Variants in GFRAL observed in about 807,000 individuals in gnomAD.
GFRAL encodes the protein GDNF family receptor alpha-like.
GFRAL carries 36 observed loss-of-function variants against 45.4 expected under a neutral mutation model. The observed-to-expected ratio is 0.79, with a 90% CI of 0.61 to 1.05. The LOEUF is 1.05. Among genes scored for constraint, GFRAL ranks in the 50% least tolerant of loss-of-function variants. The pLI is 0.00. For synonymous variants in GFRAL, 166 were observed against 154.1 expected, an observed-to-expected ratio of 1.08 and a Z score of -0.57; for missense variants, 507 against 467.5, an observed-to-expected ratio of 1.08 and a Z score of -0.78.
At chr6:55,385,318 G>C (rs534814856) in intron 6 of GFRAL, among the ~76,000 whole-genome samples, 1 of 152,114 alleles carries the variant, frequency 6.6e-6, no homozygotes, top group East Asian at 1.9e-4. Flanking sequence ...TAAAAATGGA[G>C]ATTTAATAAA....
chr6:55,340,538 G>T (rs562255702), intron 3 of GFRAL, among the ~76,000 whole-genome samples: 2 of 152,004 alleles, frequency 1.3e-5, no homozygotes, highest in African/African-American at 4.8e-5. Context: ...AAAAGTGGTT[G>T]GCAGCAGTTC....
intron 6 of GFRAL, among the ~76,000 whole-genome samples, chr6:55,378,043 TC>T (rs1392814517): frequency 6.6e-6 from 1 of 152,044 alleles, no homozygotes; most frequent in African/African-American, 2.4e-5. Context: ...GACCTTTGGA[TC>T]CTGTCCCTCA....
At chr6:55,394,845 A>G (rs976892888) in intron 6 of GFRAL, among the ~76,000 whole-genome samples, 1 of 152,100 alleles carries the variant, frequency 6.6e-6, no homozygotes, top group Non-Finnish European at 1.5e-5. Context: ...AAAAATCTCC[A>G]CTGTCTATTA....
chr6:55,391,281 C>A (rs1768750627), intron 6 of GFRAL, among the ~76,000 whole-genome samples: 1 of 152,092 alleles, frequency 6.6e-6, no homozygotes, highest in Admixed American at 6.6e-5. Flanking sequence ...TAGGAATAAT[C>A]TTTGATTTAA....
At chr6:55,364,254 T>C (rs1768322722) in intron 6 of GFRAL, among the ~76,000 whole-genome samples, 1 of 151,638 alleles carries the variant, frequency 6.6e-6, no homozygotes, top group East Asian at 1.9e-4. Context: ...AAGTGTCTGT[T>C]CATGTCCTTC....
At chr6:55,342,652 A>G (rs1416977967) in intron 3 of GFRAL, among the ~76,000 whole-genome samples, 1 of 152,020 alleles carries the variant, frequency 6.6e-6, no homozygotes, top group Non-Finnish European at 1.5e-5. Context: ...CATCATAATG[A>G]CAGGATCAAA....
chr6:55,367,099 G>T (rs1212507328), intron 6 of GFRAL, among the ~76,000 whole-genome samples: 1 of 89,692 alleles, frequency 1.1e-5, no homozygotes, highest in South Asian at 4.2e-4. Context: ...GGTCACTCAG[G>T]ACTTGCTTTA....
intron 3 of GFRAL, among the ~76,000 whole-genome samples, chr6:55,336,588 T>C (rs761622781): frequency 6.6e-5 from 10 of 152,252 alleles, no homozygotes; most frequent in African/African-American, 9.6e-5. Context: ...ATATGGACTT[T>C]ATAGCCTATG....
chr6:55,365,703 G>C (rs1768352123), intron 6 of GFRAL, among the ~76,000 whole-genome samples: 2 of 147,738 alleles, frequency 1.4e-5, no homozygotes, highest in Admixed American at 6.8e-5. Flanking sequence ...ATAATCATGT[G>C]GTTTTTGCCT....
intron 6 of GFRAL, among the ~76,000 whole-genome samples, chr6:55,391,353 A>G (rs929909549): frequency 3.9e-5 from 6 of 152,194 alleles, no homozygotes; most frequent in African/African-American, 1.4e-4. Flanking sequence ...TAATGATACA[A>G]TTTTTTGAGC....
intron 6 of GFRAL, among the ~76,000 whole-genome samples, chr6:55,372,247 G>T (rs147656247): frequency 3.5e-4 from 53 of 152,240 alleles, no homozygotes; most frequent in Non-Finnish European, 6.3e-4. Flanking sequence ...CTCAGCTGTA[G>T]ATTCTCTACT....
chr6:55,366,443 A>C (rs1768365092), intron 6 of GFRAL, among the ~76,000 whole-genome samples: 1 of 143,048 alleles, frequency 7.0e-6, no homozygotes, highest in Non-Finnish European at 1.5e-5. Flanking sequence ...TATTTCCTTC[A>C]GTTCTGCTCT....
At chr6:55,358,342 T>A (rs1215399488) in intron 5 of GFRAL, among the ~76,000 whole-genome samples, 4 of 151,900 alleles carry the variant, frequency 2.6e-5, no homozygotes, top group African/African-American at 9.7e-5. Flanking sequence ...TTATCCAGAC[T>A]TTTTTTCAAT....
rs552128690 is a variant in GFRAL at position 55,336,174 on chromosome 6, G to C, written c.316+2230G>C. 1.7e-4 allele frequency among the ~76,000 whole-genome samples: 26 copies of C among 152,250 alleles called. No individual in the cohort carries two copies. In the South Asian group the frequency reaches 5.4e-3, roughly 32 times the overall value. ...GGCCAGGCTGGTCTGCAGCTCCTGG[G>C]CTGAATTGATCTGCCTGCCTCAGCT... On this transcript the variant is annotated intron_variant, in intron 3 of 8. Transcript: ENST00000340465.
intron 2 of GFRAL, 87 bp downstream of exon 2, chr6:55,331,936 C>A: frequency 7.8e-7 from 1 of 1,284,674 alleles, no homozygotes; most frequent in Non-Finnish European, 1.1e-6. Flanking sequence ...ATCCTAAGAA[C>A]TAAGTTTTTT....
intron 6 of GFRAL, among the ~76,000 whole-genome samples, chr6:55,393,918 A>G (rs1405854538): frequency 6.6e-6 from 1 of 152,168 alleles, no homozygotes; most frequent in African/African-American, 2.4e-5. Flanking sequence ...TGAAAACAGG[A>G]AAAAAGTTGA....
chr6:55,372,237 C>T (rs896516495), intron 6 of GFRAL, among the ~76,000 whole-genome samples: 3 of 152,154 alleles, frequency 2.0e-5, no homozygotes, highest in African/African-American at 7.2e-5. Context: ...TGTTTCAAGA[C>T]TCAGCTGTAG....
Position 55,402,007 on chromosome 6 carries a change from G to T in GFRAL, c.*154G>T, listed in dbSNP as rs907425182. On this transcript the variant is annotated 3_prime_UTR_variant, in exon 9 of 9. Transcript: ENST00000340465. Reference sequence around the variant, plus strand: ...CTTTTCTTTTTTGTGGCGGAGTTTTGCTCTTGTTGCCCAGGCTGCAGTACA... The same window carrying T: ...CTTTTCTTTTTTGTGGCGGAGTTTTTCTCTTGTTGCCCAGGCTGCAGTACA... 23 of 542,238 alleles carry T rather than the reference G, an allele frequency of 4.2e-5. No homozygotes were observed. Among genetic ancestry groups the T allele is most frequent in the Non-Finnish European group, 7.0e-5 (22 of 314,074 alleles). The allele number at this position is 542,238 out of a possible 1,614,324, so 33.6% of individuals were successfully genotyped here. A position where few individuals can be genotyped will look rare whatever the true frequency, so the allele number is the denominator to read the frequency against.
chr6:55,379,590 CACACACAA>C (rs1303916940), intron 6 of GFRAL, among the ~76,000 whole-genome samples: 3 of 118,262 alleles, frequency 2.5e-5, no homozygotes, highest in Non-Finnish European at 3.9e-5. Flanking sequence ...CACACACACA[CACACACAA>C]ACTGTGGAAT....
Sources: allele counts gnomAD v4.1 joint callset (sites outside exome capture counted in the v4.1 genomes callset), GRCh38; gene constraint gnomAD v4.1.1; transcripts MANE v1.5; gene names NCBI Gene and HGNC (gene_info 2026-07-23, HGNC 2026-07-21).